Variants in BRD1 observed in about 807,000 individuals in gnomAD.
BRD1 encodes the protein bromodomain containing 1.
Under a neutral mutation model 107.7 loss-of-function variants are expected in BRD1, and 24 were observed. The observed-to-expected ratio is 0.22, with a 90% confidence interval of 0.16 to 0.31. The LOEUF (loss-of-function observed/expected upper bound fraction) is 0.31. BRD1 is among the 10% of genes least tolerant of loss of function. The pLI is 1.00. For synonymous variants in BRD1, 744 were observed against 686.1 expected (o/e 1.08, Z -1.32); for missense variants, 1,279 against 1,638.6 (o/e 0.78, Z 3.79).
chr22:49,798,694 G>C lies in BRD1; in HGVS notation c.1657-8C>G, dbSNP rs564013262. On this transcript the variant is annotated splice_polypyrimidine_tract_variant and splice_region_variant and intron_variant, in intron 4 of 12. Transcript: ENST00000404760. The stretch of plus-strand genomic sequence containing the variant: ...GACCTGCTCCACCTTCACCTGGGGG[G>C]GCCCAGCAGAGCCTCAGCTTTAGGG... 66 of 1,592,478 alleles carry C rather than the reference G, an allele frequency of 4.1e-5. No homozygotes were observed. In the South Asian group the frequency reaches 4.6e-4, roughly 11 times the overall value.
At chr22:49,798,457 C>T (rs1379074918) in intron 5 of BRD1, 101 bp downstream of exon 5, 1 of 1,548,212 alleles carries the variant, frequency 6.5e-7, no homozygotes, top group African/African-American at 1.4e-5. Context: ...ATTAAGAACA[C>T]AAGGGATGTA....
chr22:49,817,848 T>C (rs1365678263), intron 2 of BRD1: 1 of 152,416 alleles, frequency 6.6e-6, no homozygotes, highest in Non-Finnish European at 1.5e-5. Context: ...TCTCACTCTG[T>C]CACCCAGGCT....
chr22:49,820,358 G>C (rs956205222), intron 2 of BRD1, among the ~76,000 whole-genome samples: 2 of 152,086 alleles, frequency 1.3e-5, no homozygotes, highest in Non-Finnish European at 2.9e-5. Flanking sequence ...AGATGCTCTA[G>C]GTGGGTCCTA....
At chr22:49,822,081 C>A (rs1327432603) in intron 2 of BRD1, among the ~76,000 whole-genome samples, 7 of 152,246 alleles carry the variant, frequency 4.6e-5, no homozygotes, top group Non-Finnish European at 1.0e-4. Flanking sequence ...ATACAGAGTT[C>A]CTGCGTGGGC....
At chr22:49,809,495 C>G (rs977707134) in intron 2 of BRD1, among the ~76,000 whole-genome samples, 2 of 151,826 alleles carry the variant, frequency 1.3e-5, no homozygotes, top group Admixed American at 6.6e-5. Context: ...GAGCCGAGAT[C>G]GCGCCACTGC....
intron 2 of BRD1, among the ~76,000 whole-genome samples, chr22:49,809,018 C>A (rs1051952784): frequency 2.0e-5 from 3 of 151,992 alleles, no homozygotes; most frequent in African/African-American, 7.3e-5. Context: ...ATTCAGGAGA[C>A]TGAGGCAGGA....
chr22:49,789,513 G>A (rs115219254), intron 7 of BRD1, among the ~76,000 whole-genome samples: 1,622 of 124,218 alleles, frequency 0.013, 29 homozygotes, highest in African/African-American at 0.046. Flanking sequence ...CCGAGCTCTC[G>A]CCCTGATTAC....
At chr22:49,804,988 A>C (rs985834371) in intron 2 of BRD1, among the ~76,000 whole-genome samples, 2 of 152,240 alleles carry the variant, frequency 1.3e-5, no homozygotes, top group African/African-American at 2.4e-5. Context: ...CCATCTGCAC[A>C]CAAGCTGACT....
intron 2 of BRD1, among the ~76,000 whole-genome samples, chr22:49,814,790 C>T (rs2059918619): frequency 6.6e-6 from 1 of 152,178 alleles, no homozygotes. Flanking sequence ...TAATCTGCCC[C>T]GCTGTCCCCA....
intron 2 of BRD1, among the ~76,000 whole-genome samples, chr22:49,819,486 G>A (rs538748578): frequency 1.5e-4 from 23 of 152,168 alleles, no homozygotes; most frequent in African/African-American, 7.2e-5. Context: ...CCAGGAGGTC[G>A]AGGCTGTAGT....
In BRD1 at chr22:49,792,100, G is replaced by T. The variant is rs1023061101; in HGVS notation, c.2359+1934C>A. Among the ~76,000 whole-genome samples the T allele has an allele frequency of 3.3e-5, 5 of 152,118 alleles. No homozygotes were observed. Among genetic ancestry groups the T allele is most frequent in the African/African-American group, 1.2e-4 (5 of 41,408 alleles). On this transcript the variant is annotated intron_variant, in intron 7 of 12. Coordinates refer to ENST00000404760, the MANE Select transcript of BRD1 (RefSeq NM_001304808.3). This position sits in a 1 kb window ranked among gnomAD's most constrained non-coding sequence, Gnocchi z 4.2. Reference sequence around the variant, plus strand: ...CCATGCGAGGTCCTCAACCATGCGAGGTCCTCAGTCCTGTGACCCAATAAC... The same window carrying T: ...CCATGCGAGGTCCTCAACCATGCGATGTCCTCAGTCCTGTGACCCAATAAC...
rs1003447011 is a variant in BRD1 at position 49,787,376 on chromosome 22, C to G, written c.2857+14G>C. The G allele has an allele frequency of 6.2e-7, 1 of 1,604,808 alleles. No individual in the cohort carries two copies. Among genetic ancestry groups the G allele is most frequent in the South Asian group, 1.1e-5 (1 of 90,654 alleles). ...TCGGCAAGGGCGCCTCTCAGGGCCG[C>G]CCGCGGCATTTACCTGCGTCCAGGC... On this transcript the variant is annotated intron_variant, in intron 8 of 12. Transcript: ENST00000404760.
chr22:49,781,829 A>G (rs1337197859), intron 8 of BRD1, among the ~76,000 whole-genome samples: 1 of 152,294 alleles, frequency 6.6e-6, no homozygotes. Flanking sequence ...CCTCTCAACA[A>G]AAACACACAC....
chr22:49,774,002 C>T lies in BRD1; in HGVS notation c.*231G>A. ...AAAGAAAGTGACGCCAGCAGCACGG[C>T]CTGGGGACGTGCGACAGACGCACTG... On this transcript the variant is annotated 3_prime_UTR_variant, in exon 13 of 13. Transcript: ENST00000404760. The T allele has an allele frequency of 2.2e-6, 1 of 462,218 alleles. No individual in the cohort carries two copies. Among genetic ancestry groups the T allele is most frequent in the Non-Finnish European group, 3.8e-6 (1 of 263,858 alleles). The allele number at this position is 462,218 out of a possible 1,614,324, so 28.6% of individuals were successfully genotyped here. A position where few individuals can be genotyped will look rare whatever the true frequency, so the allele number is the denominator to read the frequency against.
intron 12 of BRD1, 143 bp from the exon 13 acceptor site, chr22:49,774,559 G>T: frequency 2.1e-6 from 2 of 943,554 alleles, no homozygotes; most frequent in African/African-American, 1.7e-5. Flanking sequence ...GCCCCGTGCA[G>T]GGACAGGCCC....
rs112912508 is a variant in BRD1 at position 49,813,891 on chromosome 22, A to G, written c.1367+9060T>C. Among the ~76,000 whole-genome samples the G allele has an allele frequency of 1.4e-3, 215 of 152,228 alleles. 2 individuals are homozygous for G. The highest frequency in any genetic ancestry group is 4.8e-3 in the African/African-American group (199 of 41,536). On this transcript the variant is annotated intron_variant, in intron 2 of 12. Coordinates refer to ENST00000404760, the MANE Select transcript of BRD1 (RefSeq NM_001304808.3). ...ATACAGGGAGCAGCTTTACGGCTGC[A>G]GAGTGGGGACGAGTTTCTTCAAGCA...
intron 8 of BRD1, among the ~76,000 whole-genome samples, chr22:49,784,780 G>A (rs956368101): frequency 1.3e-5 from 2 of 152,214 alleles, no homozygotes; most frequent in South Asian, 2.1e-4. Context: ...AAGCGAGGGC[G>A]GATGGCGGGA....
intron 8 of BRD1, 135 bp downstream of exon 8, chr22:49,787,255 C>T: frequency 8.1e-7 from 1 of 1,230,694 alleles, no homozygotes; most frequent in Non-Finnish European, 1.1e-6. Context: ...GCACTGTTGT[C>T]TTCTCTGGAA....
rs115688481 is a variant in BRD1, at chr22:49,803,238, C to T, written c.1524+966G>A. On this transcript the variant is annotated intron_variant, in intron 3 of 12. Transcript: ENST00000404760. This position sits in a 1 kb window ranked among gnomAD's most constrained non-coding sequence, Gnocchi z 4.4. ...GCGAGGCAGAGACAGCACCGGCCACCGCACCACCGCACGGGGACCCAACCG... is the reference window on the plus strand; with the variant it reads ...GCGAGGCAGAGACAGCACCGGCCACTGCACCACCGCACGGGGACCCAACCG... Among the ~76,000 whole-genome samples the T allele has an allele frequency of 2.1e-3, 325 of 152,344 alleles. 3 individuals are homozygous for T. In the East Asian group the frequency reaches 0.033, roughly 15 times the overall value.
Sources: allele counts gnomAD v4.1 joint callset (sites outside exome capture counted in the v4.1 genomes callset), GRCh38; gene constraint gnomAD v4.1.1; non-coding constraint Gnocchi (gnomAD v3.1); transcripts MANE v1.5; gene names NCBI Gene and HGNC (gene_info 2026-07-23, HGNC 2026-07-21).